The following DCAF1 variants were observed in gnomAD, a reference collection of about 807,000 sequenced individuals.
DCAF1 encodes DDB1 and CUL4 associated factor 1.
DCAF1 carries 15 observed loss-of-function variants against 128.0 expected under a neutral mutation model. The ratio of observed to expected loss-of-function variants is 0.12; its 90% CI spans 0.08 to 0.18. The LOEUF (loss-of-function observed/expected upper bound fraction) is 0.18, where lower values mean the gene tolerates loss of function less well. Ranked by LOEUF, DCAF1 falls within the 10% of genes least tolerant of loss-of-function variation. The probability of loss-of-function intolerance (pLI) is 1.00; values close to 1 mark genes in which losing one functional copy is unlikely to be tolerated. For synonymous variants in DCAF1, 610 were observed against 603.0 expected (o/e 1.01, Z -0.17); for missense variants, 988 against 1,649.5 (o/e 0.60, Z 6.95).
chr3:51,419,898 G>A lies in DCAF1; in HGVS notation c.3072C>T (p.Ala1024=), dbSNP rs933653931. ...EQHARCKNPV[A]TCPPFSLFTP... ...TAAAGAGGGAGAAAGGTGGGCAGGT[G>A]GCAACTGGATTCTTGCAGCGAGCAT... Residue 1024 remains alanine, a synonymous_variant, in exon 15 of 25, where the codon GCC becomes GCT. Coordinates refer to ENST00000684031, the MANE Select transcript of DCAF1 (RefSeq NM_001387579.1). 4 of 1,614,040 alleles carry A rather than the reference G, an allele frequency of 2.5e-6. No homozygotes were observed. The highest frequency in any genetic ancestry group is 2.2e-5 in the East Asian group (1 of 44,884).
chr3:51,418,108 A>G lies in DCAF1; in HGVS notation c.3518+8T>C. ...AGCACAGACTAGGTTCCAAAAGCAGATACATACTTCATATCAAATACTGAC... is the reference window on the plus strand; with the variant it reads ...AGCACAGACTAGGTTCCAAAAGCAGGTACATACTTCATATCAAATACTGAC... On this transcript the variant is annotated splice_region_variant and intron_variant, in intron 17 of 24. Coordinates refer to ENST00000684031, the MANE Select transcript of DCAF1 (RefSeq NM_001387579.1). 1 of 1,609,246 alleles carries G rather than the reference A, an allele frequency of 6.2e-7. No individual in the cohort carries two copies. Among genetic ancestry groups the G allele is most frequent in the South Asian group, 1.1e-5 (1 of 89,694 alleles).
intron 6 of DCAF1, among the ~76,000 whole-genome samples, chr3:51,460,184 A>G (rs1703388887): frequency 6.6e-6 from 1 of 152,210 alleles, no homozygotes; most frequent in African/African-American, 2.4e-5. Context: ...AAATCTCCTC[A>G]AGCTGATAAG....
intron 2 of DCAF1, among the ~76,000 whole-genome samples, chr3:51,490,799 GC>G (rs1242442074): frequency 6.6e-6 from 1 of 151,966 alleles, no homozygotes; most frequent in Non-Finnish European, 1.5e-5. Flanking sequence ...GGTGGCAGAC[GC>G]CTGTAATCCC....
rs1312039046 is a variant in DCAF1 at position 51,397,893 on chromosome 3, T to A, written c.*876A>T. On this transcript the variant is annotated 3_prime_UTR_variant, in exon 25 of 25. Coordinates refer to ENST00000684031, the MANE Select transcript of DCAF1 (RefSeq NM_001387579.1). Reference sequence around the variant, plus strand: ...TGTATTTTTTTTAAATAAATACACTTTACATTAAAGAAAAAGGCCTTTGAT... The same window carrying A: ...TGTATTTTTTTTAAATAAATACACTATACATTAAAGAAAAAGGCCTTTGAT... 1.8e-5 allele frequency: 3 copies of A among 166,666 alleles called. No individual in the cohort carries two copies. Among genetic ancestry groups the A allele is most frequent in the Non-Finnish European group, 4.4e-5 (3 of 68,098 alleles). The allele number at this position is 166,666 out of a possible 1,614,324, so 10.3% of individuals were successfully genotyped here.
At chr3:51,438,075 CT>C in intron 9 of DCAF1, 1 of 437,094 alleles carries the variant, frequency 2.3e-6, no homozygotes. Context: ...TTCATTCATT[CT>C]TTTCTGACTT....
chr3:51,491,552 T>C (rs782306223), intron 2 of DCAF1, among the ~76,000 whole-genome samples: 28 of 151,656 alleles, frequency 1.8e-4, no homozygotes, highest in Admixed American at 1.6e-3. Context: ...AAAAGTAATT[T>C]CAATAAGTAG....
intron 10 of DCAF1, among the ~76,000 whole-genome samples, chr3:51,430,845 G>C (rs1004705944): frequency 6.6e-6 from 1 of 152,126 alleles, no homozygotes; most frequent in Non-Finnish European, 1.5e-5. Flanking sequence ...CATAGCTCGA[G>C]AAGAAATTAC....
At chr3:51,441,173 T>C in intron 8 of DCAF1, 102 bp from the exon 9 acceptor site, 1 of 1,234,438 alleles carries the variant, frequency 8.1e-7, no homozygotes, top group Non-Finnish European at 1.1e-6. Flanking sequence ...GATGCACCTC[T>C]TCCTCCCTCC....
intron 14 of DCAF1, among the ~76,000 whole-genome samples, chr3:51,421,200 T>C (rs1699359379): frequency 6.6e-6 from 1 of 152,184 alleles, no homozygotes; most frequent in Non-Finnish European, 1.5e-5. Flanking sequence ...AGTTATTAAA[T>C]AGGGAAATCA....
upstream of DCAF1, among the ~76,000 whole-genome samples, chr3:51,502,407 A>T (rs1270623056): frequency 6.6e-6 from 1 of 151,954 alleles, no homozygotes; most frequent in African/African-American, 2.4e-5. Context: ...TATCTTAAAA[A>T]TTTGCCGGAC....
At chr3:51,418,321 A>G in intron 16 of DCAF1, 123 bp from the exon 17 acceptor site, 1 of 1,473,316 alleles carries the variant, frequency 6.8e-7, no homozygotes, top group Non-Finnish European at 9.0e-7. Flanking sequence ...ACAATTTTAT[A>G]ATCCCCAGAA....
intron 3 of DCAF1, among the ~76,000 whole-genome samples, chr3:51,474,401 C>A (rs890998768): frequency 3.3e-5 from 5 of 152,238 alleles, no homozygotes; most frequent in Admixed American, 6.5e-5. Context: ...GCCTGGCCAA[C>A]AAGCGCAAAA....
At chr3:51,407,926 A>C (rs1698026781) in intron 23 of DCAF1, among the ~76,000 whole-genome samples, 2 of 135,250 alleles carry the variant, frequency 1.5e-5, no homozygotes, top group African/African-American at 5.5e-5. Context: ...TGGAGGTTGC[A>C]GTGAGCCAAG....
intron 6 of DCAF1, among the ~76,000 whole-genome samples, chr3:51,446,330 A>C (rs1359073282): frequency 1.3e-5 from 2 of 152,168 alleles, no homozygotes; most frequent in Non-Finnish European, 2.9e-5. Flanking sequence ...AGCTTACTTA[A>C]GGCTGGGAGC....
intron 4 of DCAF1, among the ~76,000 whole-genome samples, chr3:51,467,118 G>A (rs1465536960): frequency 6.6e-6 from 1 of 152,176 alleles, no homozygotes; most frequent in Non-Finnish European, 1.5e-5. Flanking sequence ...CAGATCACGA[G>A]GTCAGGAGTT....
chr3:51,448,520 C>T (rs1702077419), intron 6 of DCAF1, among the ~76,000 whole-genome samples: 1 of 152,186 alleles, frequency 6.6e-6, no homozygotes, highest in South Asian at 2.1e-4. Flanking sequence ...CTATACCCAG[C>T]TCATTCACTA....
At chr3:51,483,247 TG>T (rs1706473326) in intron 3 of DCAF1, among the ~76,000 whole-genome samples, 1 of 150,736 alleles carries the variant, frequency 6.6e-6, no homozygotes, top group South Asian at 2.1e-4. Context: ...GAGACCAGCC[TG>T]ATCAACATGG....
rs551671723 is a variant in DCAF1 at position 51,414,685 on chromosome 3, T to C, written c.3776A>G (p.Asn1259Ser). 1.8e-5 allele frequency: 29 copies of C among 1,614,054 alleles called. No individual in the cohort carries two copies. The highest frequency in any genetic ancestry group is 2.4e-5 in the Non-Finnish European group (28 of 1,179,904). The change falls in exon 19 of 25, where the codon AAT becomes AGT. Residue 1259 changes from asparagine (N) to serine (S), a missense_variant. Physicochemically the swap from Asn to Ser is conservative, Grantham distance 46 (BLOSUM62 1). This residue lies in a region of DCAF1 where 85 missense variants were observed against 204.6 expected (regional missense o/e 0.42). Transcript: ENST00000684031. Reference sequence around the variant, plus strand: ...ATGGAAAACACCACTGATGTTCATATTGAACTTGTCAAACTTGTGGATGGC... The same window carrying C: ...ATGGAAAACACCACTGATGTTCATACTGAACTTGTCAAACTTGTGGATGGC... ...AQAIHKFDKFNMNISGVFHPN... is the reference protein window; with the variant it reads ...AQAIHKFDKFSMNISGVFHPN...
chr3:51,457,948 A>G (rs1245561685), intron 6 of DCAF1, among the ~76,000 whole-genome samples: 1 of 152,240 alleles, frequency 6.6e-6, no homozygotes, highest in Admixed American at 6.5e-5. Context: ...GGTACCAGCC[A>G]CTGCAAAAAC....
Sources: gnomAD v4.1 joint callset for allele counts (sites outside exome capture counted in the v4.1 genomes callset) on GRCh38, gnomAD v4.1.1 for gene constraint, gnomAD v4.1.1 regional missense constraint, MANE v1.5 for transcripts, NCBI Gene and HGNC (gene_info 2026-07-23, HGNC 2026-07-21) for gene names.